Variants in FSHR observed in about 807,000 individuals in gnomAD.
FSHR encodes the protein follicle-stimulating hormone receptor.
A neutral mutation model predicts 52.1 loss-of-function variants in FSHR; 46 were observed. The ratio of observed to expected loss-of-function variants is 0.88; its 90% CI spans 0.70 to 1.13. The LOEUF (loss-of-function observed/expected upper bound fraction) is 1.13, where lower values mean the gene tolerates loss of function less well. Ranked by LOEUF, FSHR falls within the 50% of genes most tolerant of loss-of-function variation. FSHR has a pLI of 0.00. For missense variants in FSHR, 964 were observed against 834.6 expected (o/e 1.16, Z -1.91); for synonymous variants, 399 against 309.6 (o/e 1.29, Z -3.03).
intron 2 of FSHR, among the ~76,000 whole-genome samples, chr2:49,056,588 C>G (rs981268165): frequency 2.0e-5 from 3 of 151,728 alleles, no homozygotes; most frequent in Non-Finnish European, 2.9e-5. Context: ...ACACCCTACT[C>G]TCAGCATTAG....
intron 1 of FSHR, 107 bp from the exon 2 acceptor site, chr2:49,068,397 A>AT: frequency 1.1e-6 from 1 of 926,576 alleles, no homozygotes. Context: ...AGTGCTTGCC[A>AT]TAAAGTAATG....
At chr2:49,135,378 T>A (rs944858736) in intron 1 of FSHR, among the ~76,000 whole-genome samples, 2 of 152,090 alleles carry the variant, frequency 1.3e-5, no homozygotes, top group Admixed American at 6.6e-5. Flanking sequence ...AATGGATACA[T>A]TTTTTAAAAA....
chr2:48,997,592 G>C (rs1247820233), intron 4 of FSHR, among the ~76,000 whole-genome samples: 1 of 152,008 alleles, frequency 6.6e-6, no homozygotes, highest in East Asian at 1.9e-4. Context: ...GGGTTAGTTG[G>C]AGTCTCCAGG....
chr2:49,032,563 G>T (rs55861243), intron 2 of FSHR, among the ~76,000 whole-genome samples: 20,845 of 152,264 alleles, frequency 0.14, 1,457 homozygotes, highest in East Asian at 0.23. Context: ...AAGAGAGACT[G>T]ACTTTCAATG....
intron 8 of FSHR, 90 bp from the exon 9 acceptor site, chr2:48,968,973 T>A: frequency 1.7e-6 from 2 of 1,149,648 alleles, no homozygotes; most frequent in South Asian, 1.3e-5. Flanking sequence ...GACACACTAG[T>A]GATATTCTTA....
chr2:49,111,167 T>C (rs1671407906), intron 1 of FSHR, among the ~76,000 whole-genome samples: 1 of 152,194 alleles, frequency 6.6e-6, no homozygotes, highest in Non-Finnish European at 1.5e-5. Flanking sequence ...CCATGTTCTA[T>C]ATGTTGGAGA....
intron 1 of FSHR, among the ~76,000 whole-genome samples, chr2:49,111,284 G>C (rs1055389161): frequency 2.0e-5 from 3 of 152,100 alleles, no homozygotes; most frequent in Non-Finnish European, 4.4e-5. Flanking sequence ...CTCTTTTTTG[G>C]CCTGCCCTGT....
rs182007171 is a variant in FSHR at position 49,128,538 on chromosome 2, T to C, written c.152+25728A>G. ...CTACAAAGCTGACTTTTCATCTTTA[T>C]TCAGGTCAAGAAGAAAAGCAAGGGA... is the stretch of plus-strand genomic sequence containing the variant. On this transcript the variant is annotated intron_variant, in intron 1 of 9. Transcript: ENST00000406846. 3.9e-3 allele frequency among the ~76,000 whole-genome samples: 593 copies of C among 152,254 alleles called. 2 individuals carry two copies. The highest frequency in any genetic ancestry group is 6.4e-3 in the Non-Finnish European group (437 of 68,016).
At position 48,963,895 on chromosome 2, in the gene FSHR, C is replaced by A. The variant is rs61743754; in HGVS notation, c.926G>T (p.Gly309Val). The change falls in exon 10 of 10, where the codon GGT becomes GTT. Residue 309 changes from glycine to valine, a missense_variant. By Grantham distance (109) the Gly-to-Val change is moderately radical (BLOSUM62 -3). Transcript: ENST00000406846. Reference protein sequence around the residue: ...QEVDYMTQARGQRSSLAEDNE... With the variant: ...QEVDYMTQARVQRSSLAEDNE... ...GTCTTCTGCCAGAGAGGATCTCTGA[C>A]CCCTAGCCTGAGTCATATAATCAAC... 6 of 1,613,920 alleles carry A rather than the reference C, an allele frequency of 3.7e-6. No individual in the cohort carries two copies. The highest frequency in any genetic ancestry group is 5.1e-6 in the Non-Finnish European group (6 of 1,179,860).
intron 1 of FSHR, among the ~76,000 whole-genome samples, chr2:49,091,241 G>T (rs1329833233): frequency 6.6e-6 from 1 of 151,754 alleles, no homozygotes; most frequent in Non-Finnish European, 1.5e-5. Context: ...TAGCTTTTAT[G>T]TTTTATATTT....
intron 1 of FSHR, among the ~76,000 whole-genome samples, chr2:49,084,048 T>A (rs1283992666): frequency 1.3e-5 from 2 of 151,528 alleles, no homozygotes; most frequent in African/African-American, 4.8e-5. Context: ...ATACATTTTT[T>A]TCAGCACCAC....
At chr2:49,009,405 T>C (rs1421325187) in intron 4 of FSHR, among the ~76,000 whole-genome samples, 2 of 151,952 alleles carry the variant, frequency 1.3e-5, no homozygotes, top group African/African-American at 4.8e-5. Flanking sequence ...TTGGTACGAG[T>C]ACCATGCCGT....
chr2:49,070,458 A>G (rs1316467305), intron 1 of FSHR, among the ~76,000 whole-genome samples: 1 of 152,196 alleles, frequency 6.6e-6, no homozygotes, highest in Non-Finnish European at 1.5e-5. Context: ...GTTCCTATTT[A>G]ACACAAGACA....
intron 2 of FSHR, among the ~76,000 whole-genome samples, chr2:49,065,960 A>G (rs1056646788): frequency 6.6e-6 from 1 of 152,096 alleles, no homozygotes; most frequent in African/African-American, 2.4e-5. Context: ...AAGACTACAT[A>G]TAAGGTAAGT....
chr2:49,003,752 A>G (rs1293845543), intron 4 of FSHR, among the ~76,000 whole-genome samples: 1 of 152,072 alleles, frequency 6.6e-6, no homozygotes. Flanking sequence ...CACTGGGGAT[A>G]TAGTGATGGA....
chr2:49,038,923 A>C (rs1558405159), intron 2 of FSHR, among the ~76,000 whole-genome samples: 1 of 152,192 alleles, frequency 6.6e-6, no homozygotes, highest in Non-Finnish European at 1.5e-5. Context: ...GGGCTAAAGA[A>C]ATTGTAATGA....
At chr2:48,995,369 G>A (rs1316028264) in intron 4 of FSHR, among the ~76,000 whole-genome samples, 1 of 152,098 alleles carries the variant, frequency 6.6e-6, no homozygotes, top group Admixed American at 6.6e-5. Flanking sequence ...GAGTAGCCAA[G>A]AAGAAGTGCT....
intron 1 of FSHR, among the ~76,000 whole-genome samples, chr2:49,114,660 TG>T (rs906975024): frequency 1.3e-5 from 2 of 152,268 alleles, no homozygotes; most frequent in African/African-American, 4.8e-5. Context: ...GAAAATACCT[TG>T]GAGAGTGTAG....
intron 4 of FSHR, among the ~76,000 whole-genome samples, chr2:48,991,947 C>T (rs1675801407): frequency 6.6e-6 from 1 of 151,012 alleles, no homozygotes; most frequent in South Asian, 2.1e-4. Context: ...AGATTTGGTG[C>T]CTTGTTCTCT....
Sources: allele counts gnomAD v4.1 joint callset (sites outside exome capture counted in the v4.1 genomes callset), GRCh38; gene constraint gnomAD v4.1.1; transcripts MANE v1.5; gene names NCBI Gene and HGNC (gene_info 2026-07-23, HGNC 2026-07-21).